KCNB2: variants seen among roughly 807,000 people sequenced by gnomAD.
KCNB2 encodes delayed rectifier potassium channel protein.
A neutral mutation model predicts 61.5 loss-of-function variants in KCNB2; 15 were observed. The ratio of observed to expected loss-of-function variants is 0.24; its 90% CI spans 0.16 to 0.38. KCNB2 has a LOEUF of 0.38. KCNB2 is among the 10% of genes least tolerant of loss of function. KCNB2 has a pLI of 1.00. For missense variants in KCNB2, 828 were observed against 1,125.2 expected (o/e 0.74, Z 3.78); for synonymous variants, 457 against 446.0 (o/e 1.02, Z -0.31).
At chr8:72,673,380 C>G (rs1323112638) in intron 2 of KCNB2, among the ~76,000 whole-genome samples, 1 of 152,150 alleles carries the variant, frequency 6.6e-6, no homozygotes, top group Non-Finnish European at 1.5e-5. Flanking sequence ...AAGGGGCTTC[C>G]CCCTTTGATG....
At chr8:72,802,728 T>C (rs1042624888) in intron 2 of KCNB2, among the ~76,000 whole-genome samples, 2 of 152,150 alleles carry the variant, frequency 1.3e-5, no homozygotes, top group African/African-American at 4.8e-5. Flanking sequence ...GCTGCCACTG[T>C]TGTTAAGGGC....
intron 1 of KCNB2, among the ~76,000 whole-genome samples, chr8:72,547,470 T>G (rs1370981070): frequency 6.6e-6 from 1 of 152,128 alleles, no homozygotes; most frequent in African/African-American, 2.4e-5. Context: ...ATTAAGAACG[T>G]TTGTGATTGA....
At chr8:72,729,266 C>T (rs1206228324) in intron 2 of KCNB2, among the ~76,000 whole-genome samples, 2 of 152,152 alleles carry the variant, frequency 1.3e-5, no homozygotes, top group Non-Finnish European at 2.9e-5. Context: ...GCTAGGAATG[C>T]GCACCAATAC....
intron 2 of KCNB2, among the ~76,000 whole-genome samples, chr8:72,711,729 C>G (rs569637450): frequency 6.6e-4 from 95 of 144,046 alleles, no homozygotes; most frequent in Admixed American, 1.2e-3. Context: ...GTGGCTTACG[C>G]CTGTAATCCC....
At chr8:72,687,177 A>G (rs868181771) in intron 2 of KCNB2, among the ~76,000 whole-genome samples, 7 of 152,222 alleles carry the variant, frequency 4.6e-5, no homozygotes, top group East Asian at 1.9e-4. Flanking sequence ...TGATAGCAAC[A>G]TATTGGAATA....
intron 1 of KCNB2, among the ~76,000 whole-genome samples, chr8:72,550,645 T>C (rs1806332905): frequency 6.6e-6 from 1 of 152,236 alleles, no homozygotes; most frequent in South Asian, 2.1e-4. Context: ...GGTCACCTAG[T>C]TATTTTTTGC....
intron 2 of KCNB2, among the ~76,000 whole-genome samples, chr8:72,637,186 A>G (rs1392393847): frequency 6.6e-6 from 1 of 152,158 alleles, no homozygotes; most frequent in African/African-American, 2.4e-5. Context: ...ACCAAACTAT[A>G]TGAGGATGCG....
chr8:72,561,332 T>C (rs879296066), intron 1 of KCNB2, among the ~76,000 whole-genome samples: 1 of 151,924 alleles, frequency 6.6e-6, no homozygotes. Context: ...AATTTTTGTA[T>C]TTTTTGTAGA....
intron 2 of KCNB2, among the ~76,000 whole-genome samples, chr8:72,693,303 T>C (rs917215420): frequency 6.6e-6 from 1 of 152,204 alleles, no homozygotes; most frequent in African/African-American, 2.4e-5. Context: ...TCTCTGTTCT[T>C]TGAACAAAGT....
intron 2 of KCNB2, among the ~76,000 whole-genome samples, chr8:72,853,983 A>G (rs1159255530): frequency 1.3e-5 from 2 of 152,228 alleles, no homozygotes; most frequent in African/African-American, 4.8e-5. Flanking sequence ...TTGTCTTAAA[A>G]TAATTTTTAA....
At chr8:72,810,600 A>G (rs1445135951) in intron 2 of KCNB2, among the ~76,000 whole-genome samples, 2 of 152,212 alleles carry the variant, frequency 1.3e-5, no homozygotes, top group Non-Finnish European at 2.9e-5. Flanking sequence ...GATGTCCCTA[A>G]TGGGACCAAT....
chr8:72,849,259 G>C (rs976096357), intron 2 of KCNB2, among the ~76,000 whole-genome samples: 8 of 151,638 alleles, frequency 5.3e-5, no homozygotes, highest in East Asian at 1.9e-4. Flanking sequence ...ACATGGTGCT[G>C]TTTCAATAGA....
intron 2 of KCNB2, among the ~76,000 whole-genome samples, chr8:72,622,262 G>C (rs1004941345): frequency 2.6e-5 from 4 of 152,130 alleles, no homozygotes; most frequent in Non-Finnish European, 5.9e-5. Flanking sequence ...ATTTTAAGTG[G>C]CGTATAAGTG....
Position 72,629,095 on chromosome 8 carries a change from G to A in KCNB2, c.579+60782G>A, listed in dbSNP as rs76464238. ...AAAAAAGAAGACATTTGAAGCATTCGTGTCACACAATAGTCTTGATGTAGG... is the reference window on the plus strand; with the variant it reads ...AAAAAAGAAGACATTTGAAGCATTCATGTCACACAATAGTCTTGATGTAGG... On this transcript the variant is annotated intron_variant, in intron 2 of 2. Coordinates refer to ENST00000523207, the MANE Select transcript of KCNB2 (RefSeq NM_004770.3). Among the ~76,000 whole-genome samples the A allele has an allele frequency of 6.6e-3, 1,009 of 152,300 alleles. 6 individuals carry two copies. The highest frequency in any genetic ancestry group is 9.2e-3 in the Non-Finnish European group (624 of 68,028).
intron 2 of KCNB2, among the ~76,000 whole-genome samples, chr8:72,594,921 T>C (rs1282151243): frequency 6.6e-6 from 1 of 152,180 alleles, no homozygotes; most frequent in Non-Finnish European, 1.5e-5. Flanking sequence ...CCAAAGGTGA[T>C]GGTTAAAAAA....
chr8:72,693,565 T>C (rs1462149652), intron 2 of KCNB2, among the ~76,000 whole-genome samples: 1 of 152,138 alleles, frequency 6.6e-6, no homozygotes, highest in South Asian at 2.1e-4. Flanking sequence ...CCTGTACAAA[T>C]TGTCAGTCAT....
At chr8:72,786,246 A>G (rs987796840) in intron 2 of KCNB2, among the ~76,000 whole-genome samples, 3 of 152,176 alleles carry the variant, frequency 2.0e-5, no homozygotes, top group Non-Finnish European at 4.4e-5. Flanking sequence ...TGAGACCCAG[A>G]GCACATTTTG....
In KCNB2 at chr8:72,537,537, C is replaced by T; in HGVS notation, c.-442C>T. The T allele has an allele frequency of 6.5e-6, 1 of 152,698 alleles. No individual in the cohort carries two copies. Among genetic ancestry groups the T allele is most frequent in the Non-Finnish European group, 1.5e-5 (1 of 68,386 alleles). The allele number at this position is 152,698 out of a possible 1,614,324, so 9.5% of individuals were successfully genotyped here. A position where few individuals can be genotyped will look rare whatever the true frequency, so the allele number is the denominator to read the frequency against. On this transcript the variant is annotated 5_prime_UTR_variant, in exon 1 of 3. Coordinates refer to ENST00000523207, the MANE Select transcript of KCNB2 (RefSeq NM_004770.3). The stretch of plus-strand genomic sequence containing the variant: ...CCCTCTCTTGTCTGGGTGGCTGTGG[C>T]GGCGGCAGGGGGATGGGGACCCCGT...
At chr8:72,768,791 G>A (rs762841916) in intron 2 of KCNB2, among the ~76,000 whole-genome samples, 1 of 152,106 alleles carries the variant, frequency 6.6e-6, no homozygotes, top group Non-Finnish European at 1.5e-5. Flanking sequence ...ACATCCAGTT[G>A]TCCTAGCACC....
Sources: allele counts gnomAD v4.1 joint callset (sites outside exome capture counted in the v4.1 genomes callset), GRCh38; gene constraint gnomAD v4.1.1; transcripts MANE v1.5; gene names NCBI Gene and HGNC (gene_info 2026-07-23, HGNC 2026-07-21).